PIEZO2: variants seen among roughly 807,000 people sequenced by gnomAD.
PIEZO2 encodes the protein piezo-type mechanosensitive ion channel component 2.
In PIEZO2, 172 loss-of-function variants were observed where a neutral mutation model predicts 337.3. That is an observed-to-expected ratio of 0.51 (90% CI 0.45 to 0.58). PIEZO2 has a LOEUF of 0.58. PIEZO2 is among the 20% of genes least tolerant of loss of function. The pLI is 0.00. For synonymous variants in PIEZO2, 1,251 were observed against 1,228.5 expected (o/e 1.02, Z -0.38); for missense variants, 3,028 against 3,391.3 (o/e 0.89, Z 2.66).
chr18:11,028,250 CTTT>C lies in PIEZO2; in HGVS notation c.160+37874_160+37876del, dbSNP rs1352410379. Among the ~76,000 whole-genome samples the C allele has an allele frequency of 1.3e-5, 2 of 151,768 alleles. No individual in the cohort carries two copies. The highest frequency in any genetic ancestry group is 1.5e-5 in the Non-Finnish European group (1 of 67,962). ...TTTCTTTTCTTTTCTTCTTCTTCTT[CTTT>C]ATTTTTTATTATTTTTTTTTATTTT... is the stretch of plus-strand genomic sequence containing the variant. On this transcript the variant is annotated intron_variant, in intron 2 of 55. Coordinates refer to ENST00000674853, the MANE Select transcript of PIEZO2 (RefSeq NM_001378183.1). The surrounding 1 kb of genome is among the most constrained non-coding windows in gnomAD (Gnocchi z 4.8).
At chr18:10,802,506 AAG>A (rs1375584876) in intron 9 of PIEZO2, among the ~76,000 whole-genome samples, 1 of 152,204 alleles carries the variant, frequency 6.6e-6, no homozygotes, top group East Asian at 1.9e-4. Flanking sequence ...ACAAATAGTG[AAG>A]AGAGTGTCAT....
chr18:10,756,236 T>C (rs1175531111), intron 27 of PIEZO2, among the ~76,000 whole-genome samples: 1 of 144,458 alleles, frequency 6.9e-6, no homozygotes, highest in African/African-American at 2.6e-5. Flanking sequence ...GGATAAGCTA[T>C]GAAGATGAGG....
rs2036912762 is a variant in PIEZO2, at chr18:11,035,942, A to G, written c.160+30185T>C. On this transcript the variant is annotated intron_variant, in intron 2 of 55. Coordinates refer to ENST00000674853, the MANE Select transcript of PIEZO2 (RefSeq NM_001378183.1). This position sits in a 1 kb window ranked among gnomAD's most constrained non-coding sequence, Gnocchi z 4.3. ...TTCCTATGTTTGCTTGTTAGCAAGA[A>G]GTCCACACCTGGAACATGCTTGAAG... Among the ~76,000 whole-genome samples the G allele has an allele frequency of 6.6e-6, 1 of 152,232 alleles. No individual in the cohort carries two copies. Among genetic ancestry groups the G allele is most frequent in the African/African-American group, 2.4e-5 (1 of 41,466 alleles).
intron 29 of PIEZO2, among the ~76,000 whole-genome samples, chr18:10,749,229 G>A (rs1418597546): frequency 6.6e-6 from 1 of 152,108 alleles, no homozygotes; most frequent in Non-Finnish European, 1.5e-5. Context: ...AGAGACTGAG[G>A]CAGGAGGATT....
At chr18:11,100,700 A>G (rs1319452716) in intron 1 of PIEZO2, among the ~76,000 whole-genome samples, 3 of 152,032 alleles carry the variant, frequency 2.0e-5, no homozygotes, top group African/African-American at 7.2e-5. Context: ...GGTTCACGCC[A>G]TTCTCCTGCC....
chr18:10,809,928 C>T (rs991011329), intron 7 of PIEZO2, among the ~76,000 whole-genome samples: 4 of 152,140 alleles, frequency 2.6e-5, no homozygotes, highest in Admixed American at 1.3e-4. Context: ...AATATCTCTT[C>T]GCTTGAGAAG....
intron 2 of PIEZO2, among the ~76,000 whole-genome samples, chr18:11,024,547 GA>G (rs569472740): frequency 0.49 from 50,980 of 103,742 alleles, 10,079 homozygotes; most frequent in Middle Eastern, 0.6. Context: ...CTCTGTCTCA[GA>G]AAAAAAAAAA....
chr18:10,997,297 CAGA>C (rs1224384374), intron 2 of PIEZO2, among the ~76,000 whole-genome samples: 2 of 151,006 alleles, frequency 1.3e-5, no homozygotes, highest in Non-Finnish European at 2.9e-5. Flanking sequence ...AAACATTCTG[CAGA>C]AGATTTTAAT....
Position 10,795,314 on chromosome 18 carries a change from A to ATATTTTATTTTATTT in PIEZO2, c.1528-327_1528-313dup, listed in dbSNP as rs1555648360. Among the ~76,000 whole-genome samples, 2 of 88,518 alleles carry ATATTTTATTTTATTT rather than the reference A, an allele frequency of 2.3e-5. No individual in the cohort carries two copies. Among genetic ancestry groups the ATATTTTATTTTATTT allele is most frequent in the African/African-American group, 7.9e-5 (2 of 25,242 alleles). The allele number at this position is 88,518 out of a possible 152,430, so 58.1% of individuals were successfully genotyped here. ...GTTAAGTAGCAAAATGTGTATTCAA[A>ATATTTTATTTTATTT]TATTTTATTTTATTTTATTTTATTT... On this transcript the variant is annotated intron_variant, in intron 12 of 55. Transcript: ENST00000674853. This position sits in a 1 kb window ranked among gnomAD's most constrained non-coding sequence, Gnocchi z 4.4.
At chr18:10,755,367 G>A (rs1479411820) in intron 27 of PIEZO2, among the ~76,000 whole-genome samples, 1 of 152,152 alleles carries the variant, frequency 6.6e-6, no homozygotes, top group African/African-American at 2.4e-5. Flanking sequence ...AATCAGTGAG[G>A]ATCAGAGGTT....
Position 10,872,366 on chromosome 18 carries a change from AT to A in PIEZO2, c.330-952del, listed in dbSNP as rs2042160514. 6.6e-6 allele frequency among the ~76,000 whole-genome samples: 1 copy of A among 152,162 alleles called. No individual in the cohort carries two copies. Among genetic ancestry groups the A allele is most frequent in the Non-Finnish European group, 1.5e-5 (1 of 68,040 alleles). On this transcript the variant is annotated intron_variant, in intron 4 of 55. Coordinates refer to ENST00000674853, the MANE Select transcript of PIEZO2 (RefSeq NM_001378183.1). The surrounding 1 kb of genome is among the most constrained non-coding windows in gnomAD (Gnocchi z 4.3). Reference sequence around the variant, plus strand: ...GGCTTCAACTGGAAAAGGAGGAGAGATCTGTCTGGGAAGGTAATACAAACGC... The same window carrying A: ...GGCTTCAACTGGAAAAGGAGGAGAGACTGTCTGGGAAGGTAATACAAACGC...
intron 4 of PIEZO2, among the ~76,000 whole-genome samples, chr18:10,896,117 G>A (rs2144968909): frequency 6.6e-6 from 1 of 150,994 alleles, no homozygotes; most frequent in Admixed American, 6.6e-5. Flanking sequence ...AAGTAACTTA[G>A]GCCAATGTGC....
intron 47 of PIEZO2, among the ~76,000 whole-genome samples, chr18:10,692,611 G>A (rs1297972846): frequency 6.6e-6 from 1 of 151,774 alleles, no homozygotes; most frequent in Non-Finnish European, 1.5e-5. Flanking sequence ...ATTTGCATTT[G>A]TTGAAAAGAC....
chr18:10,771,024 C>T (rs773973115), intron 20 of PIEZO2, among the ~76,000 whole-genome samples: 11 of 152,172 alleles, frequency 7.2e-5, no homozygotes, highest in Admixed American at 1.3e-4. Context: ...AGCGCCCATG[C>T]CCCCAGCCCC....
Position 10,942,258 on chromosome 18 carries a change from C to A in PIEZO2, c.287-31030G>T, listed in dbSNP as rs1036080075. 6.6e-6 allele frequency among the ~76,000 whole-genome samples: 1 copy of A among 152,130 alleles called. No individual in the cohort carries two copies. Among genetic ancestry groups the A allele is most frequent in the South Asian group, 2.1e-4 (1 of 4,832 alleles). Reference sequence around the variant, plus strand: ...TGAAAGCGATTTTGGAACTGGGTAACATGCAGAGGTTGGAACAGCTTAGAG... The same window carrying A: ...TGAAAGCGATTTTGGAACTGGGTAAAATGCAGAGGTTGGAACAGCTTAGAG... On this transcript the variant is annotated intron_variant, in intron 3 of 55. Transcript: ENST00000674853. This position sits in a 1 kb window ranked among gnomAD's most constrained non-coding sequence, Gnocchi z 4.4.
At position 10,954,865 on chromosome 18, in the gene PIEZO2, G is replaced by A. The variant is rs137868352; in HGVS notation, c.286+24670C>T. On this transcript the variant is annotated intron_variant, in intron 3 of 55. Coordinates refer to ENST00000674853, the MANE Select transcript of PIEZO2 (RefSeq NM_001378183.1). The surrounding 1 kb of genome is among the most constrained non-coding windows in gnomAD (Gnocchi z 4.2). ...CTCTGATGTTAGTAATGTTTTCCTT[G>A]ATCTCCCCAGAAAAGTATAAACTTC... Among the ~76,000 whole-genome samples, 2 of 152,300 alleles carry A rather than the reference G, an allele frequency of 1.3e-5. No individual in the cohort carries two copies. Among genetic ancestry groups the A allele is most frequent in the African/African-American group, 4.8e-5 (2 of 41,574 alleles).
rs2032835885 is a variant in PIEZO2 at position 10,943,547 on chromosome 18, G to A, written c.287-32319C>T. Among the ~76,000 whole-genome samples, 1 of 152,188 alleles carries A rather than the reference G, an allele frequency of 6.6e-6. No individual in the cohort carries two copies. The highest frequency in any genetic ancestry group is 1.5e-5 in the Non-Finnish European group (1 of 68,028). ...TTTGGAATGGCTTTATTTGCCCAATGCCTTTACCCCCATTGTATACAGGAA... is the reference window on the plus strand; with the variant it reads ...TTTGGAATGGCTTTATTTGCCCAATACCTTTACCCCCATTGTATACAGGAA... On this transcript the variant is annotated intron_variant, in intron 3 of 55. Coordinates refer to ENST00000674853, the MANE Select transcript of PIEZO2 (RefSeq NM_001378183.1). This position sits in a 1 kb window ranked among gnomAD's most constrained non-coding sequence, Gnocchi z 4.5.
At chr18:11,000,676 A>G (rs2035499995) in intron 2 of PIEZO2, among the ~76,000 whole-genome samples, 1 of 152,186 alleles carries the variant, frequency 6.6e-6, no homozygotes, top group Admixed American at 6.5e-5. Context: ...TGTATCTGAC[A>G]TTTGGGTATG....
Position 10,762,934 on chromosome 18 carries a change from A to G in PIEZO2, c.3111T>C (p.Val1037=). Residue 1037 remains valine, a synonymous_variant, in exon 22 of 56, where the codon GTT becomes GTC. Coordinates refer to ENST00000674853, the MANE Select transcript of PIEZO2 (RefSeq NM_001378183.1). ...LQTIKPENFS[V]NCSLPNENQT... ...CACCGAGGCTCACCAAGGAACAGTT[A>G]ACAGAGAAGTTCTCAGGCTTAATGG... is the stretch of plus-strand genomic sequence containing the variant. The G allele has an allele frequency of 6.5e-7, 1 of 1,537,168 alleles. No individual in the cohort carries two copies. The highest frequency in any genetic ancestry group is 8.7e-7 in the Non-Finnish European group (1 of 1,146,838).
Sources: allele counts gnomAD v4.1 joint callset (sites outside exome capture counted in the v4.1 genomes callset), GRCh38; gene constraint gnomAD v4.1.1; non-coding constraint Gnocchi (gnomAD v3.1); transcripts MANE v1.5; gene names NCBI Gene and HGNC (gene_info 2026-07-23, HGNC 2026-07-21).